DNAJB6: variants seen among roughly 807,000 people sequenced by gnomAD.
The protein encoded by DNAJB6 is dnaJ homolog subfamily B member 6.
A neutral mutation model predicts 42.7 loss-of-function variants in DNAJB6; 16 were observed. That is an observed-to-expected ratio of 0.37 (90% CI 0.25 to 0.57). DNAJB6 has a LOEUF of 0.57. DNAJB6 is among the 20% of genes least tolerant of loss of function. The pLI is 0.74. For synonymous variants in DNAJB6, 170 were observed against 163.5 expected (o/e 1.04, Z -0.30); for missense variants, 347 against 416.8 (o/e 0.83, Z 1.46).
Position 157,340,995 on chromosome 7 carries a change from TGTG to T in DNAJB6, c.-27+3852_-27+3854del, listed in dbSNP as rs1332051269. Among the ~76,000 whole-genome samples, 308 of 99,850 alleles carry T rather than the reference TGTG, an allele frequency of 3.1e-3. 1 individual carries two copies. Among genetic ancestry groups the T allele is most frequent in the East Asian group, 0.019 (54 of 2,796 alleles). The allele number at this position is 99,850 out of a possible 152,430, so 65.5% of individuals were successfully genotyped here. On this transcript the variant is annotated intron_variant, in intron 1 of 9. Coordinates refer to ENST00000262177, the MANE Select transcript of DNAJB6 (RefSeq NM_058246.4). ...GTGTGTGTGTGTGTGTGTGTGTGTG[TGTG>T]CGCGCGCGCAGGTGGAATCACCCTG...
chr7:157,392,099 CAAA>C (rs57861175), intron 8 of DNAJB6, among the ~76,000 whole-genome samples: 2,016 of 112,192 alleles, frequency 0.018, 42 homozygotes, highest in African/African-American at 0.061. Flanking sequence ...GACCCTGTCT[CAAA>C]AAAAAAAAAA....
At chr7:157,351,657 A>G (rs868733272) in intron 1 of DNAJB6, among the ~76,000 whole-genome samples, 131 of 149,132 alleles carry the variant, frequency 8.8e-4, no homozygotes, top group Middle Eastern at 3.4e-3. Flanking sequence ...AACAACAACA[A>G]CAACAAAAAA....
rs1208554931 is a variant in DNAJB6 at position 157,416,701 on chromosome 7, T to C, written c.*603T>C. ...TTCATCCTTTGCAGGTAGTGCAAATTCAACTTCAAATATGGTGTAGGTTTT... is the reference window on the plus strand; with the variant it reads ...TTCATCCTTTGCAGGTAGTGCAAATCCAACTTCAAATATGGTGTAGGTTTT... On this transcript the variant is annotated 3_prime_UTR_variant, in exon 10 of 10. Transcript: ENST00000262177. 2.0e-5 allele frequency: 3 copies of C among 152,280 alleles called. No homozygotes were observed. Among genetic ancestry groups the C allele is most frequent in the African/African-American group, 7.2e-5 (3 of 41,450 alleles). 9.4% of individuals were successfully genotyped at this position (152,280 alleles called of 1,614,324 possible). A position where few individuals can be genotyped will look rare whatever the true frequency, so the allele number is the denominator to read the frequency against.
At chr7:157,354,308 C>T (rs112305811) in intron 1 of DNAJB6, among the ~76,000 whole-genome samples, 18 of 151,848 alleles carry the variant, frequency 1.2e-4, no homozygotes, top group East Asian at 1.9e-4. Context: ...CTACCACGCC[C>T]GGCTAATTTT....
At chr7:157,401,094 C>G (rs747962344) in intron 8 of DNAJB6, among the ~76,000 whole-genome samples, 7 of 152,222 alleles carry the variant, frequency 4.6e-5, no homozygotes, top group Non-Finnish European at 8.8e-5. Flanking sequence ...TCTGATTTCT[C>G]TGGCCCACCA....
At chr7:157,379,713 G>A (rs1391592072) in intron 5 of DNAJB6, 1 of 152,016 alleles carries the variant, frequency 6.6e-6, no homozygotes, top group Non-Finnish European at 1.5e-5. Context: ...TTGAACCCCT[G>A]ACCTCCAGGG....
Position 157,381,533 on chromosome 7 carries a change from T to A in DNAJB6, c.347-713T>A, listed in dbSNP as rs142968037. 6 of 152,332 alleles carry A rather than the reference T, an allele frequency of 3.9e-5. No homozygotes were observed. In the East Asian group the frequency reaches 1.2e-3, roughly 29 times the overall value. The allele number at this position is 152,332 out of a possible 1,614,324, so 9.4% of individuals were successfully genotyped here. ...TTGATTTCCAGGAGCACTTTGTGTT[T>A]CCACTTGGCAGCGTGATGCTTCCTC... On this transcript the variant is annotated intron_variant, in intron 5 of 9. Coordinates refer to ENST00000262177, the MANE Select transcript of DNAJB6 (RefSeq NM_058246.4).
intron 3 of DNAJB6, among the ~76,000 whole-genome samples, chr7:157,365,810 A>T (rs1425042922): frequency 6.6e-6 from 1 of 151,570 alleles, no homozygotes; most frequent in Non-Finnish European, 1.5e-5. Flanking sequence ...GATCACAGGC[A>T]TGCGCCACCA....
At chr7:157,367,048 A>G (rs1799879773) in intron 4 of DNAJB6, among the ~76,000 whole-genome samples, 1 of 152,220 alleles carries the variant, frequency 6.6e-6, no homozygotes, top group Non-Finnish European at 1.5e-5. Context: ...GTCGAAGTGG[A>G]TGCAGATACT....
chr7:157,349,602 C>A (rs764670761), intron 1 of DNAJB6, among the ~76,000 whole-genome samples: 68 of 152,224 alleles, frequency 4.5e-4, no homozygotes, highest in Non-Finnish European at 9.4e-4. Flanking sequence ...CCCACCTCAG[C>A]CTCCCGAGTA....
intron 5 of DNAJB6, chr7:157,381,400 A>G (rs189055060): frequency 4.6e-5 from 7 of 152,264 alleles, no homozygotes; most frequent in Admixed American, 2.6e-4. Context: ...GTAATTATTA[A>G]CGCAGAACCC....
intron 1 of DNAJB6, among the ~76,000 whole-genome samples, chr7:157,354,489 C>T (rs1361571648): frequency 3.3e-5 from 5 of 151,572 alleles, no homozygotes; most frequent in Non-Finnish European, 7.4e-5. Flanking sequence ...AAATTATTTT[C>T]ATTTTTTTGG....
intron 8 of DNAJB6, among the ~76,000 whole-genome samples, chr7:157,389,160 C>G (rs1348071198): frequency 6.6e-6 from 1 of 152,182 alleles, no homozygotes; most frequent in African/African-American, 2.4e-5. Context: ...TCTTTCCAAT[C>G]AATTTTAATT....
chr7:157,369,432 G>T (rs1230137660), intron 5 of DNAJB6: 1 of 456,468 alleles, frequency 2.2e-6, no homozygotes, highest in Admixed American at 2.4e-5. Flanking sequence ...GAGGAAGAAG[G>T]CCCGCTCTTC....
intron 1 of DNAJB6, among the ~76,000 whole-genome samples, chr7:157,357,086 C>T (rs1362366891): frequency 1.3e-5 from 2 of 149,664 alleles, no homozygotes; most frequent in African/African-American, 5.0e-5. Flanking sequence ...AATCCTTGAG[C>T]CCAGGAGTTT....
At chr7:157,364,998 C>T (rs942071806) in intron 3 of DNAJB6, among the ~76,000 whole-genome samples, 1 of 152,206 alleles carries the variant, frequency 6.6e-6, no homozygotes, top group East Asian at 1.9e-4. Context: ...GTTGCCCAGG[C>T]TGGAATGTAG....
chr7:157,382,880 C>G (rs1460941151), intron 6 of DNAJB6: 1 of 152,282 alleles, frequency 6.6e-6, no homozygotes, highest in African/African-American at 2.4e-5. Context: ...TGGAAACAAG[C>G]TTGTAGACTG....
chr7:157,340,390 A>C (rs574693052), intron 1 of DNAJB6, among the ~76,000 whole-genome samples: 1 of 152,284 alleles, frequency 6.6e-6, no homozygotes, highest in African/African-American at 2.4e-5. Flanking sequence ...GGATGAATAG[A>C]ATTTGAGAAT....
intron 1 of DNAJB6, among the ~76,000 whole-genome samples, chr7:157,343,711 A>C (rs1479190378): frequency 6.6e-6 from 1 of 152,190 alleles, no homozygotes; most frequent in African/African-American, 2.4e-5. Context: ...GGCCTCCCAA[A>C]GTGCTGGGAT....
Sources: gnomAD v4.1 joint callset for allele counts (sites outside exome capture counted in the v4.1 genomes callset) on GRCh38, gnomAD v4.1.1 for gene constraint, MANE v1.5 for transcripts, NCBI Gene and HGNC (gene_info 2026-07-23, HGNC 2026-07-21) for gene names.